Variants in SKAP2 observed in about 807,000 individuals in gnomAD.
SKAP2 encodes the protein src kinase associated phosphoprotein 2.
In SKAP2, 28 loss-of-function variants were observed where a neutral mutation model predicts 54.9. The ratio of observed to expected loss-of-function variants is 0.51; its 90% confidence interval spans 0.38 to 0.70. SKAP2 has a LOEUF of 0.70. Among genes scored for constraint, SKAP2 ranks in the 30% least tolerant of loss-of-function variants. SKAP2 has a pLI of 0.00. For synonymous variants in SKAP2, 137 were observed against 134.3 expected (o/e 1.02, Z -0.14); for missense variants, 356 against 424.1 (o/e 0.84, Z 1.41).
intron 1 of SKAP2, among the ~76,000 whole-genome samples, chr7:26,858,462 T>A (rs1425006444): frequency 1.3e-5 from 2 of 152,164 alleles, no homozygotes; most frequent in African/African-American, 4.8e-5. Flanking sequence ...TCGATAAATG[T>A]TAAGGTCTGA....
At chr7:26,808,007 G>T (rs1469539212) in intron 4 of SKAP2, among the ~76,000 whole-genome samples, 3 of 152,120 alleles carry the variant, frequency 2.0e-5, no homozygotes, top group Non-Finnish European at 2.9e-5. Flanking sequence ...AAAAACTCAT[G>T]AATTGCTTTA....
At chr7:26,715,516 C>T (rs1175805630) in intron 9 of SKAP2, among the ~76,000 whole-genome samples, 2 of 152,046 alleles carry the variant, frequency 1.3e-5, no homozygotes, top group Non-Finnish European at 2.9e-5. Flanking sequence ...GTGGCTCAAG[C>T]CTGTAATCGC....
At chr7:26,790,339 C>T (rs969342153) in intron 4 of SKAP2, among the ~76,000 whole-genome samples, 5 of 152,094 alleles carry the variant, frequency 3.3e-5, no homozygotes, top group Admixed American at 1.3e-4. Flanking sequence ...ATTTTGGTGT[C>T]GTTCACATCA....
intron 9 of SKAP2, among the ~76,000 whole-genome samples, chr7:26,717,792 G>A (rs868416269): frequency 1.3e-5 from 2 of 149,346 alleles, no homozygotes; most frequent in Non-Finnish European, 3.0e-5. Context: ...AGATCATGCC[G>A]CTGCACTCCA....
chr7:26,707,177 T>C (rs1462887979), intron 9 of SKAP2, among the ~76,000 whole-genome samples: 1 of 151,884 alleles, frequency 6.6e-6, no homozygotes, highest in African/African-American at 2.4e-5. Flanking sequence ...CTGGGCAACA[T>C]AGTGAAATCT....
At chr7:26,659,988 A>G in the SKAP2 span, among the ~76,000 whole-genome samples, 1 of 152,120 alleles carries the variant, frequency 6.6e-6, no homozygotes, top group African/African-American at 2.4e-5. Flanking sequence ...TTCTTCAAAA[A>G]ACAAAAAAAC....
chr7:26,787,095 T>C (rs921641559), intron 4 of SKAP2, among the ~76,000 whole-genome samples: 14 of 152,354 alleles, frequency 9.2e-5, no homozygotes, highest in African/African-American at 2.6e-4. Flanking sequence ...CATATTAGAA[T>C]GTAGGTAAGA....
chr7:26,725,698 T>G (rs1584353656), intron 8 of SKAP2, 133 bp from the exon 9 acceptor site: 2 of 995,960 alleles, frequency 2.0e-6, no homozygotes, highest in East Asian at 5.3e-5. Context: ...ACTAAAAACA[T>G]GTTTAAAAAT....
intron 4 of SKAP2, among the ~76,000 whole-genome samples, chr7:26,754,859 T>C (rs1327958351): frequency 6.6e-6 from 1 of 152,184 alleles, no homozygotes; most frequent in Non-Finnish European, 1.5e-5. Flanking sequence ...GAATCTGTAG[T>C]TTGCTCATAA....
At chr7:26,812,867 C>T (rs1399613445) in intron 4 of SKAP2, among the ~76,000 whole-genome samples, 7 of 151,646 alleles carry the variant, frequency 4.6e-5, no homozygotes, top group East Asian at 1.9e-4. Context: ...TGTTTTTTTC[C>T]GGTCCTGGTT....
chr7:26,669,830 G>A (rs993252048), intron 12 of SKAP2, among the ~76,000 whole-genome samples, 174 bp from the exon 13 acceptor site: 5 of 152,138 alleles, frequency 3.3e-5, no homozygotes, highest in Non-Finnish European at 5.9e-5. Flanking sequence ...AAAGGAGGAA[G>A]TTTGGGAAAA....
At chr7:26,824,785 T>C (rs1170879602) in intron 4 of SKAP2, among the ~76,000 whole-genome samples, 1 of 152,184 alleles carries the variant, frequency 6.6e-6, no homozygotes, top group Non-Finnish European at 1.5e-5. Flanking sequence ...TAATTATCTA[T>C]AAAATATAGC....
chr7:26,733,068 T>C (rs1333243457), intron 6 of SKAP2, among the ~76,000 whole-genome samples: 2 of 151,882 alleles, frequency 1.3e-5, no homozygotes, highest in African/African-American at 2.4e-5. Flanking sequence ...GAGGCGGAGG[T>C]TGCAGTGTGC....
intron 4 of SKAP2, among the ~76,000 whole-genome samples, chr7:26,787,238 A>G (rs1455727290): frequency 6.6e-6 from 1 of 152,172 alleles, no homozygotes; most frequent in Non-Finnish European, 1.5e-5. Context: ...TTATAAAGAA[A>G]AGAGGTTTCG....
chr7:26,847,628 T>A (rs576455037), intron 3 of SKAP2, among the ~76,000 whole-genome samples: 10 of 152,168 alleles, frequency 6.6e-5, no homozygotes, highest in Non-Finnish European at 1.0e-4. Flanking sequence ...TAATCACACA[T>A]CTAAAGAAAA....
the SKAP2 span, among the ~76,000 whole-genome samples, chr7:26,662,025 T>C: frequency 6.3e-4 from 96 of 152,198 alleles, no homozygotes; most frequent in Non-Finnish European, 1.1e-3. Flanking sequence ...AACTAGAATT[T>C]TGGTTGACTC....
chr7:26,658,732 C>T, the SKAP2 span, among the ~76,000 whole-genome samples: 1 of 151,960 alleles, frequency 6.6e-6, no homozygotes, highest in South Asian at 2.1e-4. Context: ...ATAGAGCAAC[C>T]ATATTAAATA....
chr7:26,726,933 T>C lies in SKAP2; in HGVS notation c.543A>G (p.Gly181=). 1 of 1,611,072 alleles carries C rather than the reference T, an allele frequency of 6.2e-7. No homozygotes were observed. ...VRMNNTLRKD[G]KKDCCFEISA... is the part of the protein sequence containing the mutation. The stretch of plus-strand genomic sequence containing the variant: ...AGATTTCAAAACAGCAATCTTTCTT[T>C]CCATCCTTTCTTAGAGTGTTATTCA... Residue 181 remains glycine, a synonymous_variant, in exon 7 of 13, where the codon GGA becomes GGG. Transcript: ENST00000345317.
intron 4 of SKAP2, among the ~76,000 whole-genome samples, chr7:26,796,303 G>A (rs1584394599): frequency 6.6e-6 from 1 of 150,674 alleles, no homozygotes; most frequent in Admixed American, 6.6e-5. Flanking sequence ...GTGAGCTTGA[G>A]TGTTACGAAA....
Sources: allele counts gnomAD v4.1 joint callset (sites outside exome capture counted in the v4.1 genomes callset), GRCh38; gene constraint gnomAD v4.1.1; transcripts MANE v1.5; gene names NCBI Gene and HGNC (gene_info 2026-07-23, HGNC 2026-07-21).